The following AGBL1 variants were observed in gnomAD, a reference collection of about 807,000 sequenced individuals.
AGBL1 encodes cytosolic carboxypeptidase 4.
AGBL1 carries 130 observed loss-of-function variants against 118.9 expected under a neutral mutation model. That is an observed-to-expected ratio of 1.09 (90% confidence interval 0.95 to 1.26). AGBL1 has a LOEUF of 1.26. Ranked by LOEUF, AGBL1 falls within the 50% of genes most tolerant of loss-of-function variation. AGBL1 has a pLI of 0.00. For missense variants in AGBL1, 1,584 were observed against 1,298.1 expected (o/e 1.22, Z -3.38); for synonymous variants, 555 against 478.9 (o/e 1.16, Z -2.08).
chr15:86,605,638 G>T (rs1299729643), intron 21 of AGBL1, among the ~76,000 whole-genome samples: 1 of 152,160 alleles, frequency 6.6e-6, no homozygotes, highest in East Asian at 1.9e-4. Context: ...TGCCCTCAGA[G>T]GTTAAGACAT....
intron 4 of AGBL1, among the ~76,000 whole-genome samples, chr15:86,155,884 TAAAC>T: frequency 6.6e-6 from 1 of 152,290 alleles, no homozygotes; most frequent in East Asian, 1.9e-4. Context: ...CTATGTGGCT[TAAAC>T]AAAAGAAATG....
At chr15:86,433,187 T>G (rs2081956930) in intron 18 of AGBL1, among the ~76,000 whole-genome samples, 1 of 149,902 alleles carries the variant, frequency 6.7e-6, no homozygotes, top group African/African-American at 2.4e-5. Context: ...AATAAATTCC[T>G]AGAAGAAGAT....
intron 17 of AGBL1, among the ~76,000 whole-genome samples, chr15:86,376,901 G>T (rs1411520034): frequency 2.0e-5 from 3 of 152,214 alleles, no homozygotes; most frequent in Non-Finnish European, 4.4e-5. Context: ...TCATTGCATA[G>T]TTATTAACTC....
intron 5 of AGBL1, among the ~76,000 whole-genome samples, chr15:86,180,876 C>T (rs1167347547): frequency 6.6e-6 from 1 of 151,974 alleles, no homozygotes; most frequent in Non-Finnish European, 1.5e-5. Context: ...ACAGATATGT[C>T]ACTAGAGAAG....
intron 21 of AGBL1, among the ~76,000 whole-genome samples, chr15:86,562,954 A>T (rs1034244275): frequency 2.6e-5 from 4 of 151,964 alleles, no homozygotes; most frequent in Admixed American, 6.6e-5. Context: ...GTATTCTCTG[A>T]TGGTAGTTTG....
At chr15:86,626,872 C>G (rs1438141459) in intron 21 of AGBL1, among the ~76,000 whole-genome samples, 3 of 137,618 alleles carry the variant, frequency 2.2e-5, no homozygotes, top group Non-Finnish European at 4.6e-5. Context: ...AAGTCTTACT[C>G]TGTCCCCCAG....
chr15:86,301,758 C>G (rs2079751233), intron 17 of AGBL1, among the ~76,000 whole-genome samples: 1 of 150,902 alleles, frequency 6.6e-6, no homozygotes, highest in Non-Finnish European at 1.5e-5. Context: ...TCAGCGGAAG[C>G]ACAGAGAAGA....
chr15:86,415,093 T>C (rs1037972784), intron 18 of AGBL1, among the ~76,000 whole-genome samples: 12 of 152,160 alleles, frequency 7.9e-5, no homozygotes, highest in African/African-American at 2.9e-4. Flanking sequence ...AGATGATCAG[T>C]GGGTACCACT....
intron 18 of AGBL1, among the ~76,000 whole-genome samples, chr15:86,496,094 C>G (rs751258063): frequency 5.9e-5 from 9 of 151,922 alleles, no homozygotes; most frequent in Non-Finnish European, 1.3e-4. Flanking sequence ...ATAATCCCGG[C>G]ATGTTGAGGG....
In AGBL1 at chr15:86,192,801, A is replaced by G. The variant is rs76032205; in HGVS notation, c.489-32113A>G. 8.1e-3 allele frequency among the ~76,000 whole-genome samples: 1,233 copies of G among 152,310 alleles called. 24 individuals are homozygous for G. The highest frequency in any genetic ancestry group is 0.028 in the African/African-American group (1,178 of 41,574). On this transcript the variant is annotated intron_variant, in intron 5 of 22. Transcript: ENST00000614907. Reference sequence around the variant, plus strand: ...GAAAAAATTTGGAATTCATAACACAATGCTGAAAATATAGGTGAAAAATGC... The same window carrying G: ...GAAAAAATTTGGAATTCATAACACAGTGCTGAAAATATAGGTGAAAAATGC...
intron 18 of AGBL1, among the ~76,000 whole-genome samples, chr15:86,505,822 T>C (rs763833447): frequency 1.3e-5 from 2 of 152,028 alleles, no homozygotes; most frequent in Non-Finnish European, 2.9e-5. Context: ...GTGTATAGCC[T>C]ATGCTTTTTT....
chr15:86,174,755 G>A (rs1272717136), intron 5 of AGBL1, among the ~76,000 whole-genome samples: 1 of 152,058 alleles, frequency 6.6e-6, no homozygotes, highest in Non-Finnish European at 1.5e-5. Flanking sequence ...TGGGAAGACT[G>A]TATGGTTTTT....
intron 17 of AGBL1, among the ~76,000 whole-genome samples, chr15:86,356,913 G>C (rs370578506): frequency 6.6e-6 from 1 of 152,184 alleles, no homozygotes; most frequent in Non-Finnish European, 1.5e-5. Flanking sequence ...AGCAACATAC[G>C]TACCAATTGA....
chr15:86,325,231 AT>A (rs1278433490), intron 17 of AGBL1, among the ~76,000 whole-genome samples: 1 of 152,188 alleles, frequency 6.6e-6, no homozygotes, highest in East Asian at 1.9e-4. Context: ...ATAATTGGGA[AT>A]TCTAGGAAGA....
At chr15:86,783,619 C>T (rs1384374098) in intron 22 of AGBL1, among the ~76,000 whole-genome samples, 4 of 152,070 alleles carry the variant, frequency 2.6e-5, no homozygotes, top group East Asian at 1.9e-4. Flanking sequence ...TTCTTTGGGA[C>T]TCTAACCCAT....
intron 22 of AGBL1, among the ~76,000 whole-genome samples, chr15:86,701,662 T>G (rs190717149): frequency 2.3e-5 from 3 of 130,346 alleles, no homozygotes; most frequent in Non-Finnish European, 3.3e-5. Context: ...CCCCTCTCCA[T>G]TTTTTCCCTC....
At chr15:86,685,751 T>G (rs1217407394) in intron 22 of AGBL1, among the ~76,000 whole-genome samples, 1 of 152,200 alleles carries the variant, frequency 6.6e-6, no homozygotes, top group Non-Finnish European at 1.5e-5. Context: ...GACTGATCAG[T>G]GATTCAAATG....
At chr15:86,675,810 T>C (rs1234499124) in intron 22 of AGBL1, among the ~76,000 whole-genome samples, 1 of 152,150 alleles carries the variant, frequency 6.6e-6, no homozygotes, top group Non-Finnish European at 1.5e-5. Context: ...TGCTGCTCAT[T>C]GAGGGAAGAT....
intron 17 of AGBL1, among the ~76,000 whole-genome samples, chr15:86,383,283 T>G (rs2081138493): frequency 7.2e-6 from 1 of 137,944 alleles, no homozygotes; most frequent in Admixed American, 7.7e-5. Context: ...AAATCCTAAT[T>G]GCTTATCTTA....
Sources: allele counts gnomAD v4.1 joint callset (sites outside exome capture counted in the v4.1 genomes callset), GRCh38; gene constraint gnomAD v4.1.1; transcripts MANE v1.5; gene names NCBI Gene and HGNC (gene_info 2026-07-23, HGNC 2026-07-21).